Variants in ATRNL1 observed in about 807,000 individuals in gnomAD.
The protein encoded by ATRNL1 is attractin like 1, also known as attractin-like protein 1.
A neutral mutation model predicts 182.7 loss-of-function variants in ATRNL1; 95 were observed. The ratio of observed to expected loss-of-function variants is 0.52; its 90% confidence interval spans 0.44 to 0.62. ATRNL1 has a LOEUF of 0.62. ATRNL1 is among the 20% of genes least tolerant of loss of function. ATRNL1 has a pLI of 0.00. For synonymous variants in ATRNL1, 576 were observed against 568.3 expected (o/e 1.01, Z -0.19); for missense variants, 1,471 against 1,679.5 (o/e 0.88, Z 2.17).
At chr10:115,396,761 C>T (rs1016549879) in intron 20 of ATRNL1, among the ~76,000 whole-genome samples, 8 of 151,822 alleles carry the variant, frequency 5.3e-5, no homozygotes, top group South Asian at 4.1e-4. Context: ...ATAAATAGTT[C>T]TTTGATACAG....
chr10:115,121,088 A>G lies in ATRNL1; in HGVS notation c.378-611A>G, dbSNP rs146460658. Among the ~76,000 whole-genome samples the G allele has an allele frequency of 9.2e-3, 1,404 of 152,150 alleles. 10 individuals are homozygous for G. The highest frequency in any genetic ancestry group is 0.015 in the Admixed American group (222 of 15,278). On this transcript the variant is annotated intron_variant, in intron 2 of 28. Transcript: ENST00000355044. ...AAGGTTTCAGTGATGTATACAGTCT[A>G]TGTAACCTCTGCCTTCAATCAAGAG...
At chr10:115,845,085 T>C (rs556846142) in intron 27 of ATRNL1, among the ~76,000 whole-genome samples, 4 of 152,142 alleles carry the variant, frequency 2.6e-5, no homozygotes, top group Non-Finnish European at 5.9e-5. Flanking sequence ...TTTTAAATTA[T>C]GTGAATTTCT....
At chr10:115,628,446 G>T (rs1005647148) in intron 26 of ATRNL1, among the ~76,000 whole-genome samples, 1 of 152,032 alleles carries the variant, frequency 6.6e-6, no homozygotes, top group African/African-American at 2.4e-5. Context: ...TTGTTGCATT[G>T]TAAGGGTTTT....
intron 26 of ATRNL1, among the ~76,000 whole-genome samples, chr10:115,605,461 T>G (rs922354905): frequency 6.6e-5 from 10 of 152,136 alleles, no homozygotes; most frequent in Non-Finnish European, 1.2e-4. Context: ...CACCTTTGCA[T>G]AGATTACTTA....
At chr10:115,348,035 A>G (rs1554940279) in intron 19 of ATRNL1, among the ~76,000 whole-genome samples, 1 of 152,122 alleles carries the variant, frequency 6.6e-6, no homozygotes, top group African/African-American at 2.4e-5. Context: ...GTGCAGTGGT[A>G]TGATCTCAGT....
intron 27 of ATRNL1, among the ~76,000 whole-genome samples, chr10:115,738,517 G>GA (rs1398775047): frequency 6.6e-6 from 1 of 152,012 alleles, no homozygotes; most frequent in African/African-American, 2.4e-5. Context: ...TTGAAGTGAG[G>GA]AAAGATCTAG....
intron 18 of ATRNL1, among the ~76,000 whole-genome samples, chr10:115,333,849 C>T (rs1193615854): frequency 6.6e-6 from 1 of 152,058 alleles, no homozygotes; most frequent in African/African-American, 2.4e-5. Context: ...AATCTATTGC[C>T]ACACTATTTT....
Position 115,596,093 on chromosome 10 carries a change from C to T in ATRNL1, c.3795+46557C>T, listed in dbSNP as rs546724753. Among the ~76,000 whole-genome samples the T allele has an allele frequency of 2.0e-3, 307 of 152,102 alleles. 1 individual carries two copies. Among genetic ancestry groups the T allele is most frequent in the South Asian group, 0.013 (65 of 4,820 alleles). On this transcript the variant is annotated intron_variant, in intron 26 of 28. Transcript: ENST00000355044. ...ATTGTGTTGGTGTTCGGAAATGTGA[C>T]GCCCAAATTATGTCATTATTCTTTT...
intron 25 of ATRNL1, among the ~76,000 whole-genome samples, chr10:115,540,329 T>C (rs1338053180): frequency 6.6e-6 from 1 of 152,052 alleles, no homozygotes; most frequent in Admixed American, 6.5e-5. Flanking sequence ...AAGAAGCACT[T>C]CAAAAGCTTT....
chr10:115,643,113 A>C (rs1859359645), intron 26 of ATRNL1, among the ~76,000 whole-genome samples: 1 of 152,216 alleles, frequency 6.6e-6, no homozygotes, highest in South Asian at 2.1e-4. Context: ...AGTAATCAAG[A>C]AAGTGCAACA....
At chr10:115,169,562 G>C (rs1227975026) in intron 7 of ATRNL1, among the ~76,000 whole-genome samples, 1 of 151,988 alleles carries the variant, frequency 6.6e-6, no homozygotes, top group Non-Finnish European at 1.5e-5. Flanking sequence ...GAGTACTCCA[G>C]TTTTGTTCTT....
At chr10:115,099,676 C>T (rs184707047) in intron 1 of ATRNL1, among the ~76,000 whole-genome samples, 36 of 152,142 alleles carry the variant, frequency 2.4e-4, no homozygotes, top group Admixed American at 2.1e-3. Context: ...TTGCATTTCC[C>T]GAATTACTAA....
intron 27 of ATRNL1, among the ~76,000 whole-genome samples, chr10:115,733,921 A>C (rs997635209): frequency 6.6e-6 from 1 of 152,082 alleles, no homozygotes; most frequent in Non-Finnish European, 1.5e-5. Flanking sequence ...CAGAACTTTT[A>C]TTTCTTTCCA....
At chr10:115,489,078 T>G (rs1259470240) in intron 24 of ATRNL1, among the ~76,000 whole-genome samples, 3 of 152,130 alleles carry the variant, frequency 2.0e-5, no homozygotes, top group African/African-American at 7.2e-5. Context: ...GATTGCACTG[T>G]GTCTGAGAGA....
intron 8 of ATRNL1, among the ~76,000 whole-genome samples, chr10:115,213,494 C>A (rs781841474): frequency 3.9e-5 from 6 of 152,114 alleles, no homozygotes; most frequent in Non-Finnish European, 8.8e-5. Context: ...TGCTGGGCCT[C>A]AGTAACCTTC....
chr10:115,305,442 G>A (rs1853679919), intron 17 of ATRNL1, among the ~76,000 whole-genome samples: 1 of 152,168 alleles, frequency 6.6e-6, no homozygotes, highest in South Asian at 2.1e-4. Context: ...TTTAGGGATT[G>A]TGGTAAGGAA....
chr10:115,173,033 G>A (rs1483908028), intron 8 of ATRNL1, among the ~76,000 whole-genome samples: 2 of 151,580 alleles, frequency 1.3e-5, no homozygotes, highest in Admixed American at 6.6e-5. Context: ...ATCATCACTC[G>A]CAATTGATGA....
intron 25 of ATRNL1, among the ~76,000 whole-genome samples, chr10:115,530,571 G>A (rs1554987953): frequency 6.6e-6 from 1 of 152,242 alleles, no homozygotes. Context: ...AAGCATGCAA[G>A]TGAGCAGAAT....
At chr10:115,362,788 G>A (rs1468409005) in intron 19 of ATRNL1, among the ~76,000 whole-genome samples, 1 of 151,560 alleles carries the variant, frequency 6.6e-6, no homozygotes, top group Middle Eastern at 3.4e-3. Flanking sequence ...TTTTGTTCTT[G>A]CGATAGTTTA....
Sources: allele counts gnomAD v4.1 joint callset (sites outside exome capture counted in the v4.1 genomes callset), GRCh38; gene constraint gnomAD v4.1.1; transcripts MANE v1.5; gene names NCBI Gene and HGNC (gene_info 2026-07-23, HGNC 2026-07-21).